Variants in GFM2 observed in about 807,000 individuals in gnomAD.
The protein encoded by GFM2 is ribosome-releasing factor 2, mitochondrial.
GFM2 carries 72 observed loss-of-function variants against 95.4 expected under a neutral mutation model. The observed-to-expected ratio is 0.76, with a 90% CI of 0.62 to 0.92. The LOEUF is 0.92. GFM2 is among the 40% of genes least tolerant of loss of function. The pLI is 0.00. For missense variants in GFM2, 825 were observed against 924.1 expected (o/e 0.89, Z 1.39); for synonymous variants, 276 against 317.5 (o/e 0.87, Z 1.39).
chr5:74,750,573 A>G lies in GFM2; in HGVS notation c.519+6T>C, dbSNP rs1411752058. 2 of 1,600,624 alleles carry G rather than the reference A, an allele frequency of 1.2e-6. No homozygotes were observed. The highest frequency in any genetic ancestry group is 1.7e-6 in the Non-Finnish European group (2 of 1,168,388). ...TAATTCCCTTTACTTTGGCAATATT[A>G]TTTACCTCTACACCAGCAGAGGCAT... is the stretch of plus-strand genomic sequence containing the variant. On this transcript the variant is annotated splice_donor_region_variant and intron_variant, in intron 7 of 20. Transcript: ENST00000296805.
chr5:74,733,270 C>T (rs1047707892), intron 15 of GFM2, 172 bp from the exon 16 acceptor site: 34 of 511,002 alleles, frequency 6.7e-5, no homozygotes, highest in South Asian at 1.4e-4. Flanking sequence ...ACAGAATGAT[C>T]GCTTGAGCCC....
rs377321462 is a variant in GFM2 at position 74,736,919 on chromosome 5, G to C, written c.1387C>G (p.Arg463Gly). Residue 463 changes from arginine to glycine, a missense_variant, in exon 15 of 21, where the codon CGG becomes GGG. Transcript: ENST00000296805. ...SALAAARRAE[R>G]EGEKKHRQNN... Reference sequence around the variant, plus strand: ...TGTCTGTGCTTCTTTTCTCCCTCCCGTTCGGCTCTACGAGCTGCAGCTAAT... The same window carrying C: ...TGTCTGTGCTTCTTTTCTCCCTCCCCTTCGGCTCTACGAGCTGCAGCTAAT... 9.5e-5 allele frequency: 154 copies of C among 1,613,490 alleles called. No individual in the cohort carries two copies. Among genetic ancestry groups the C allele is most frequent in the Non-Finnish European group, 1.3e-4 (150 of 1,179,760 alleles).
intron 3 of GFM2, 73 bp downstream of exon 3, chr5:74,760,829 T>G: frequency 1.0e-6 from 1 of 980,384 alleles, no homozygotes; most frequent in Middle Eastern, 2.1e-4. Flanking sequence ...TAAGGGAGAT[T>G]CTTGCAAACA....
At chr5:74,738,449 T>G in intron 13 of GFM2, 32 bp from the exon 14 acceptor site, 1 of 1,610,892 alleles carries the variant, frequency 6.2e-7, no homozygotes, top group Non-Finnish European at 8.5e-7. Context: ...TTAGTAAAAG[T>G]ATTTTTAAAG....
chr5:74,761,257 C>T (rs765269358), intron 2 of GFM2, among the ~76,000 whole-genome samples: 51 of 152,158 alleles, frequency 3.4e-4, no homozygotes, highest in Non-Finnish European at 4.7e-4. Flanking sequence ...GGGCTGAGGG[C>T]TTGTTTGAAA....
intron 15 of GFM2, chr5:74,736,206 G>A (rs1157014089): frequency 8.6e-6 from 2 of 231,844 alleles, no homozygotes; most frequent in South Asian, 3.1e-4. Context: ...TTATTTGGGG[G>A]TTTTCTGCTA....
chr5:74,724,567 C>T (rs1579965562), intron 19 of GFM2, among the ~76,000 whole-genome samples: 1 of 151,744 alleles, frequency 6.6e-6, no homozygotes, highest in African/African-American at 2.4e-5. Context: ...TTCCAACATA[C>T]TCTTAGGTGA....
At chr5:74,729,121 A>C (rs1172420634) in intron 17 of GFM2, among the ~76,000 whole-genome samples, 1 of 152,142 alleles carries the variant, frequency 6.6e-6, no homozygotes, top group Non-Finnish European at 1.5e-5. Flanking sequence ...TCCTTGGGAT[A>C]CTACCAAGCC....
At position 74,728,748 on chromosome 5, in the gene GFM2, CTTTTTTTTTTTT is replaced by C. The variant is rs57180600; in HGVS notation, c.1726+1500_1726+1511del. 2.7e-4 allele frequency among the ~76,000 whole-genome samples: 16 copies of C among 58,246 alleles called. No individual in the cohort carries two copies. In the South Asian group the frequency reaches 3.0e-3, roughly 11 times the overall value. 38.2% of individuals were successfully genotyped at this position (58,246 alleles called of 152,430 possible). On this transcript the variant is annotated intron_variant, in intron 17 of 20. Coordinates refer to ENST00000296805, the MANE Select transcript of GFM2 (RefSeq NM_032380.5). ...AATATTCTTTTATGTGTGGGGGTTT[CTTTTTTTTTTTT>C]TTTTTTTTTTTTTTGAGATGGCGTC...
chr5:74,754,406 TAAAA>T (rs1172840187), intron 5 of GFM2, among the ~76,000 whole-genome samples: 5 of 151,904 alleles, frequency 3.3e-5, no homozygotes, highest in Non-Finnish European at 7.4e-5. Flanking sequence ...ATGTTCCACT[TAAAA>T]GATAAAGAAT....
chr5:74,750,525 C>T, intron 7 of GFM2, 54 bp downstream of exon 7: 1 of 1,305,426 alleles, frequency 7.7e-7, no homozygotes, highest in Non-Finnish European at 1.1e-6. Flanking sequence ...ACATATTCTA[C>T]TTTTTAAAAA....
chr5:74,760,852 G>A (rs776170203), intron 3 of GFM2, 50 bp downstream of exon 3: 1 of 1,146,144 alleles, frequency 8.7e-7, no homozygotes, highest in Non-Finnish European at 1.3e-6. Context: ...AGAGAGAAAA[G>A]AGATAAAGCA....
Position 74,721,618 on chromosome 5 carries a change from T to C in GFM2, c.*37A>G. 1 of 1,599,920 alleles carries C rather than the reference T, an allele frequency of 6.3e-7. No homozygotes were observed. Among genetic ancestry groups the C allele is most frequent in the East Asian group, 2.2e-5 (1 of 44,812 alleles). ...TTGTTCTTACTGAAAATGAAGTAGC[T>C]AGGTGCTCCTGAATTTCTCTCCAAA... On this transcript the variant is annotated 3_prime_UTR_variant, in exon 21 of 21. Transcript: ENST00000296805.
rs16872235 is a variant in GFM2 at position 74,741,561 on chromosome 5, T to A, written c.898A>T (p.Ser300Cys). The change falls in exon 11 of 21, where the codon AGT becomes TGT. Residue 300 changes from serine (S) to cysteine (C), a missense_variant. Coordinates refer to ENST00000296805, the MANE Select transcript of GFM2 (RefSeq NM_032380.5). ...GCTGGTAACAAATCAAAATTCTCAC[T>A]AAATTCTTCTAAAACCAAGTCAGCA... is the stretch of plus-strand genomic sequence containing the variant. ...EFADLVLEEFSENFDLLPAEK... is the reference protein window; with the variant it reads ...EFADLVLEEFCENFDLLPAEK... 190,398 of 1,580,296 alleles carry A rather than the reference T, an allele frequency of 0.12. 12,408 individuals carry two copies. Among genetic ancestry groups the A allele is most frequent in the Middle Eastern group, 0.21 (1,230 of 5,964 alleles).
At chr5:74,754,933 T>C (rs1348352405) in intron 5 of GFM2, among the ~76,000 whole-genome samples, 1 of 151,848 alleles carries the variant, frequency 6.6e-6, no homozygotes, top group Non-Finnish European at 1.5e-5. Context: ...CTGGCCAACA[T>C]AAAAATACAA....
Position 74,758,958 on chromosome 5 carries a change from GA to G in GFM2, c.207-13del, listed in dbSNP as rs750904450. The stretch of plus-strand genomic sequence containing the variant: ...CAATATTACGGATTCTGTTTAAAAG[GA>G]AAAAATAAGGTAAACTTTACTAAAA... On this transcript the variant is annotated splice_polypyrimidine_tract_variant and intron_variant, in intron 4 of 20. Transcript: ENST00000296805. 1 of 1,530,142 alleles carries G rather than the reference GA, an allele frequency of 6.5e-7. No homozygotes were observed. Among genetic ancestry groups the G allele is most frequent in the Non-Finnish European group, 9.0e-7 (1 of 1,109,830 alleles). The allele number at this position is 1,530,142 out of a possible 1,614,324, so 94.8% of individuals were successfully genotyped here.
chr5:74,731,526 A>G (rs928440189), intron 16 of GFM2, among the ~76,000 whole-genome samples: 1 of 152,148 alleles, frequency 6.6e-6, no homozygotes, highest in Non-Finnish European at 1.5e-5. Flanking sequence ...AAGCATTGCA[A>G]ATGTTTAAAA....
intron 2 of GFM2, among the ~76,000 whole-genome samples, chr5:74,761,889 G>GT (rs1744300760): frequency 6.6e-6 from 1 of 152,014 alleles, no homozygotes; most frequent in Non-Finnish European, 1.5e-5. Flanking sequence ...CATGAACTGC[G>GT]TATCTGTGCG....
intron 10 of GFM2, among the ~76,000 whole-genome samples, chr5:74,745,111 G>T (rs1743311923): frequency 6.6e-6 from 1 of 152,130 alleles, no homozygotes. Flanking sequence ...CGCTGAGGTG[G>T]GCGATCACCT....
Sources: gnomAD v4.1 joint callset for allele counts (sites outside exome capture counted in the v4.1 genomes callset) on GRCh38, gnomAD v4.1.1 for gene constraint, MANE v1.5 for transcripts, NCBI Gene and HGNC (gene_info 2026-07-23, HGNC 2026-07-21) for gene names.